The following FCHO1 variants were observed in gnomAD, a reference collection of about 807,000 sequenced individuals.
FCHO1 encodes the protein F-BAR domain only protein 1.
A neutral mutation model predicts 114.4 loss-of-function variants in FCHO1; 45 were observed. The observed-to-expected ratio is 0.39, with a 90% CI of 0.31 to 0.50. The LOEUF is 0.50. FCHO1 is among the 20% of genes least tolerant of loss of function. FCHO1 has a pLI of 0.77. For synonymous variants in FCHO1, 480 were observed against 488.9 expected, an observed-to-expected ratio of 0.98 and a Z score of 0.24; for missense variants, 1,042 against 1,209.6, an observed-to-expected ratio of 0.86 and a Z score of 2.06.
At chr19:17,755,661 GAC>G (rs763251170) in intron 4 of FCHO1, 75 of 148,962 alleles carry the variant, frequency 5.0e-4, no homozygotes, top group Non-Finnish European at 9.5e-4. Context: ...TGCTGAGTGA[GAC>G]AGAGTTGTTT....
chr19:17,759,204 C>T (rs907594350), intron 4 of FCHO1, among the ~76,000 whole-genome samples: 2 of 145,986 alleles, frequency 1.4e-5, no homozygotes, highest in Non-Finnish European at 3.0e-5. Flanking sequence ...GTCCCCAGTT[C>T]CCTCAGACCC....
chr19:17,764,594 C>T, intron 6 of FCHO1, 145 bp downstream of exon 6: 1 of 652,144 alleles, frequency 1.5e-6, no homozygotes, highest in South Asian at 2.0e-5. Context: ...ATCATTCATT[C>T]ACACACTAGC....
Position 17,788,426 on chromosome 19 carries a change from G to C in FCHO1, c.*120G>C. 1.4e-6 allele frequency: 1 copy of C among 730,014 alleles called. No homozygotes were observed. The highest frequency in any genetic ancestry group is 2.3e-6 in the Non-Finnish European group (1 of 428,432). 45.2% of individuals were successfully genotyped at this position (730,014 alleles called of 1,614,324 possible). A position where few individuals can be genotyped will look rare whatever the true frequency, so the allele number is the denominator to read the frequency against. ...GCCTCCCTGAGGCCCATACTCCACG[G>C]AGAGGAGCCCCATGCCCAGCCTGGC... On this transcript the variant is annotated 3_prime_UTR_variant, in exon 29 of 29. Coordinates refer to ENST00000596536, the MANE Select transcript of FCHO1 (RefSeq NM_015122.3).
intron 19 of FCHO1, 139 bp downstream of exon 19, chr19:17,778,367 G>C: frequency 1.3e-6 from 1 of 788,922 alleles, no homozygotes; most frequent in Non-Finnish European, 2.1e-6. Flanking sequence ...GGCGGGGCCA[G>C]AGTGCGCGTG....
At chr19:17,785,630 G>A (rs998447998) in intron 26 of FCHO1, among the ~76,000 whole-genome samples, 3 of 152,054 alleles carry the variant, frequency 2.0e-5, no homozygotes, top group Non-Finnish European at 4.4e-5. Flanking sequence ...TCAGGAGATC[G>A]AGACCATCCT....
At position 17,775,080 on chromosome 19, in the gene FCHO1, G is replaced by A. The variant is rs749623031; in HGVS notation, c.945G>A (p.Gly315=). The change falls in exon 14 of 29, where the codon GGG becomes GGA. Residue 315 remains glycine (G), a splice_region_variant and synonymous_variant. Transcript: ENST00000596536. This position sits in a 1 kb window ranked among gnomAD's most constrained non-coding sequence, Gnocchi z 5.1. ...AAVDFLEPDS[G]TCPEVDEEGF... The stretch of plus-strand genomic sequence containing the variant: ...GAGATTTCCTGGAGCCCGATTCAGG[G>A]GTGAGTGATGTGGGAGGGGTCAGGC... The A allele has an allele frequency of 3.1e-6, 5 of 1,613,018 alleles. No individual in the cohort carries two copies. In the East Asian group the frequency reaches 8.9e-5, roughly 29 times the overall value.
At chr19:17,767,805 A>G (rs2089952784) in intron 7 of FCHO1, among the ~76,000 whole-genome samples, 1 of 152,242 alleles carries the variant, frequency 6.6e-6, no homozygotes, top group Non-Finnish European at 1.5e-5. Flanking sequence ...TATCAAGCCA[A>G]ACACATTTGC....
At chr19:17,761,686 G>T (rs1312768449) in intron 4 of FCHO1, among the ~76,000 whole-genome samples, 1 of 150,048 alleles carries the variant, frequency 6.7e-6, no homozygotes, top group Non-Finnish European at 1.5e-5. Flanking sequence ...CTGAGACGGA[G>T]TCTTCCTCTG....
At position 17,778,117 on chromosome 19, in the gene FCHO1, C is replaced by A; in HGVS notation, c.1260-20C>A. 6.2e-7 allele frequency: 1 copy of A among 1,600,764 alleles called. No homozygotes were observed. Among genetic ancestry groups the A allele is most frequent in the East Asian group, 2.2e-5 (1 of 44,830 alleles). On this transcript the variant is annotated intron_variant, in intron 18 of 28. Coordinates refer to ENST00000596536, the MANE Select transcript of FCHO1 (RefSeq NM_015122.3). ...GCTTGGGAAAAATAGAAGCAGCCCT[C>A]TTGGCCTCACCCTCTCTAGCTGTGC...
chr19:17,757,182 T>TAA (rs768156240), intron 4 of FCHO1, among the ~76,000 whole-genome samples: 24 of 83,314 alleles, frequency 2.9e-4, no homozygotes, highest in South Asian at 7.7e-4. Flanking sequence ...AGACTCCGTC[T>TAA]AAAAAAAAAA....
chr19:17,767,082 T>TG (rs1856842259), intron 7 of FCHO1, among the ~76,000 whole-genome samples: 1 of 150,678 alleles, frequency 6.6e-6, no homozygotes, highest in Non-Finnish European at 1.5e-5. Flanking sequence ...GGGTTTTTTT[T>TG]TTTTCTGCTT....
At chr19:17,750,010 C>A (rs929545133), upstream of FCHO1, among the ~76,000 whole-genome samples, 1 of 152,168 alleles carries the variant, frequency 6.6e-6, no homozygotes, top group Non-Finnish European at 1.5e-5. Flanking sequence ...GCTCCGGACA[C>A]CCAGCCAGGC....
At chr19:17,778,477 TG>T in intron 19 of FCHO1, 131 bp from the exon 20 acceptor site, 1 of 1,048,638 alleles carries the variant, frequency 9.5e-7, no homozygotes, top group East Asian at 2.6e-5. Context: ...GGTGTAGCCT[TG>T]GGGGCGTGCA....
chr19:17,778,983 G>A, intron 20 of FCHO1, 99 bp downstream of exon 20: 1 of 1,285,024 alleles, frequency 7.8e-7, no homozygotes, highest in South Asian at 1.6e-5. Context: ...TGGAGACACA[G>A]CCAGGACCAG....
At chr19:17,765,555 C>T (rs1359762997) in intron 6 of FCHO1, among the ~76,000 whole-genome samples, 1 of 151,822 alleles carries the variant, frequency 6.6e-6, no homozygotes, top group Non-Finnish European at 1.5e-5. Context: ...TGCCTGCAGT[C>T]CCAGCTATTT....
intron 6 of FCHO1, among the ~76,000 whole-genome samples, chr19:17,765,429 T>G (rs1297815615): frequency 6.6e-6 from 1 of 152,048 alleles, no homozygotes; most frequent in Admixed American, 6.6e-5. Flanking sequence ...CCCAGCATTT[T>G]GGGAAGCTGA....
At chr19:17,767,130 A>C (rs2089553965) in intron 7 of FCHO1, among the ~76,000 whole-genome samples, 1 of 133,048 alleles carries the variant, frequency 7.5e-6, no homozygotes, top group African/African-American at 2.8e-5. Context: ...TCTGTCACCC[A>C]CATGCAGTGG....
chr19:17,783,681 A>G (rs145805384), intron 24 of FCHO1, among the ~76,000 whole-genome samples: 58 of 151,994 alleles, frequency 3.8e-4, no homozygotes, highest in Non-Finnish European at 8.2e-4. Flanking sequence ...TCCGGATTCA[A>G]GTGATTCTCT....
At position 17,776,412 on chromosome 19, in the gene FCHO1, G is replaced by A; in HGVS notation, c.1207+141G>A. 8.3e-7 allele frequency: 1 copy of A among 1,205,324 alleles called. No homozygotes were observed. Among genetic ancestry groups the A allele is most frequent in the Non-Finnish European group, 1.2e-6 (1 of 810,412 alleles). 74.7% of individuals were successfully genotyped at this position (1,205,324 alleles called of 1,614,324 possible). A position where few individuals can be genotyped will look rare whatever the true frequency, so the allele number is the denominator to read the frequency against. On this transcript the variant is annotated intron_variant, in intron 17 of 28. Coordinates refer to ENST00000596536, the MANE Select transcript of FCHO1 (RefSeq NM_015122.3). The surrounding 1 kb of genome is among the most constrained non-coding windows in gnomAD (Gnocchi z 4.4). ...CCTTCAGTCTCCTTTTCTGTAAAAT[G>A]AGGTCATTATGAAATTAAGTGAGAG... is the stretch of plus-strand genomic sequence containing the variant.
Sources: gnomAD v4.1 joint callset for allele counts (sites outside exome capture counted in the v4.1 genomes callset) on GRCh38, gnomAD v4.1.1 for gene constraint, Gnocchi (gnomAD v3.1) non-coding constraint, MANE v1.5 for transcripts, NCBI Gene and HGNC (gene_info 2026-07-23, HGNC 2026-07-21) for gene names.